The following USP47 variants were observed in gnomAD, a reference collection of about 807,000 sequenced individuals.
The protein encoded by USP47 is ubiquitin carboxyl-terminal hydrolase 47.
Under a neutral mutation model 165.1 loss-of-function variants are expected in USP47, and 35 were observed. The observed-to-expected ratio is 0.21, with a 90% CI of 0.16 to 0.28. The LOEUF is 0.28. USP47 is among the 10% of genes least tolerant of loss of function. The pLI is 1.00. For synonymous variants in USP47, 531 were observed against 544.5 expected (o/e 0.98, Z 0.35); for missense variants, 1,277 against 1,607.4 (o/e 0.79, Z 3.52).
At position 11,851,596 on chromosome 11, in the gene USP47, A is replaced by T. The variant is rs550803211; in HGVS notation, c.39+9372A>T. The stretch of plus-strand genomic sequence containing the variant: ...ATAGAACGATGATCAGAAGAAATTA[A>T]CCTTAGTATAATATTATTAACTACA... On this transcript the variant is annotated intron_variant, in intron 1 of 27. Coordinates refer to ENST00000527733, the MANE Select transcript of USP47 (RefSeq NM_001282659.2). Among the ~76,000 whole-genome samples the T allele has an allele frequency of 2.0e-5, 3 of 152,346 alleles. No homozygotes were observed. In the South Asian group the frequency reaches 6.2e-4, roughly 32 times the overall value.
intron 15 of USP47, 38 bp from the exon 16 acceptor site, chr11:11,933,793 G>A (rs781038885): frequency 2.4e-5 from 34 of 1,427,608 alleles, no homozygotes; most frequent in African/African-American, 4.3e-5. Context: ...TTGAACTTTG[G>A]AACTGCAGAG....
At chr11:11,851,834 G>T (rs1183745386) in intron 1 of USP47, among the ~76,000 whole-genome samples, 2 of 152,080 alleles carry the variant, frequency 1.3e-5, no homozygotes, top group Non-Finnish European at 2.9e-5. Context: ...TTGGGTTTGT[G>T]GATGCTCTCT....
chr11:11,866,341 G>A (rs1464546056), intron 1 of USP47, among the ~76,000 whole-genome samples: 1 of 152,172 alleles, frequency 6.6e-6, no homozygotes, highest in Non-Finnish European at 1.5e-5. Flanking sequence ...GCTCAGGAGA[G>A]GGAAAGTGGT....
chr11:11,865,474 A>G (rs939448039), intron 1 of USP47, among the ~76,000 whole-genome samples: 1 of 151,366 alleles, frequency 6.6e-6, no homozygotes, highest in Non-Finnish European at 1.5e-5. Flanking sequence ...TTTATCTGTT[A>G]TTTATTTGCT....
chr11:11,861,058 T>C (rs1797130494), intron 1 of USP47, among the ~76,000 whole-genome samples: 1 of 152,190 alleles, frequency 6.6e-6, no homozygotes, highest in Non-Finnish European at 1.5e-5. Flanking sequence ...AGGAGCCTCA[T>C]CTGATGTTCA....
chr11:11,897,754 A>T, intron 5 of USP47, 61 bp downstream of exon 5: 1 of 1,208,646 alleles, frequency 8.3e-7, no homozygotes, highest in Admixed American at 2.0e-5. Flanking sequence ...ATCACTTTTA[A>T]CAAAATTTAT....
intron 1 of USP47, among the ~76,000 whole-genome samples, chr11:11,844,495 G>A (rs539624534): frequency 6.6e-6 from 1 of 152,288 alleles, no homozygotes; most frequent in Admixed American, 6.5e-5. Context: ...AAGATTGAAA[G>A]TGACTTGTTC....
chr11:11,906,224 A>G (rs1852555062), intron 8 of USP47, among the ~76,000 whole-genome samples: 1 of 152,162 alleles, frequency 6.6e-6, no homozygotes, highest in Admixed American at 6.5e-5. Context: ...CAGGAAAATA[A>G]TGGAAAGACT....
chr11:11,848,721 T>C (rs1223097285), intron 1 of USP47, among the ~76,000 whole-genome samples: 1 of 151,372 alleles, frequency 6.6e-6, no homozygotes, highest in Non-Finnish European at 1.5e-5. Flanking sequence ...GCGATTCTCC[T>C]GCCTCAGCCT....
intron 1 of USP47, among the ~76,000 whole-genome samples, chr11:11,865,205 T>C (rs967270392): frequency 2.0e-5 from 3 of 152,200 alleles, no homozygotes; most frequent in African/African-American, 7.2e-5. Flanking sequence ...TTGCCAAATT[T>C]GGGAAGTTTT....
intron 11 of USP47, among the ~76,000 whole-genome samples, chr11:11,926,031 A>C (rs1854216762): frequency 1.3e-5 from 2 of 152,216 alleles, no homozygotes; most frequent in African/African-American, 4.8e-5. Flanking sequence ...AATGTAGTGT[A>C]TTACATTGAT....
At chr11:11,906,360 G>T (rs1852564502) in intron 8 of USP47, among the ~76,000 whole-genome samples, 1 of 152,010 alleles carries the variant, frequency 6.6e-6, no homozygotes, top group South Asian at 2.1e-4. Context: ...TTATGTTTTG[G>T]TCTTATTTAT....
At chr11:11,886,667 A>T (rs868540395) in intron 3 of USP47, among the ~76,000 whole-genome samples, 4 of 152,298 alleles carry the variant, frequency 2.6e-5, no homozygotes, top group Middle Eastern at 3.4e-3. Flanking sequence ...TGGAAAATAT[A>T]CTTAAGGATG....
chr11:11,850,134 A>G (rs1489308361), intron 1 of USP47, among the ~76,000 whole-genome samples: 3 of 151,838 alleles, frequency 2.0e-5, no homozygotes, highest in Non-Finnish European at 2.9e-5. Flanking sequence ...ATCCTGTTCA[A>G]TCTGGAATTT....
intron 19 of USP47, 24 bp downstream of exon 19, chr11:11,940,572 C>G (rs1176529135): frequency 6.2e-7 from 1 of 1,606,820 alleles, no homozygotes; most frequent in Non-Finnish European, 8.5e-7. Flanking sequence ...TTTTTCATTA[C>G]TATTTTCTAT....
intron 11 of USP47, among the ~76,000 whole-genome samples, chr11:11,927,295 T>C (rs1434322508): frequency 6.6e-6 from 1 of 152,078 alleles, no homozygotes; most frequent in Admixed American, 6.6e-5. Context: ...TGTTTTTTGT[T>C]GTTGTTTTGG....
At position 11,957,502 on chromosome 11, in the gene USP47, A is replaced by T. The variant is rs1847258993; in HGVS notation, c.*1327A>T. On this transcript the variant is annotated 3_prime_UTR_variant, in exon 28 of 28. Transcript: ENST00000527733. Reference sequence around the variant, plus strand: ...TTACAACAATGAACATGCCAATAAAACATTTGTTCATTCTGTTGTGTTATT... The same window carrying T: ...TTACAACAATGAACATGCCAATAAATCATTTGTTCATTCTGTTGTGTTATT... 1 of 152,624 alleles carries T rather than the reference A, an allele frequency of 6.6e-6. No homozygotes were observed. Among genetic ancestry groups the T allele is most frequent in the African/African-American group, 2.4e-5 (1 of 41,456 alleles). 9.5% of individuals were successfully genotyped at this position (152,624 alleles called of 1,614,324 possible).
chr11:11,877,322 G>GT (rs1311911266), intron 1 of USP47, among the ~76,000 whole-genome samples: 1 of 152,158 alleles, frequency 6.6e-6, no homozygotes, highest in East Asian at 1.9e-4. Context: ...AAGTCCACAT[G>GT]TTATATTAAA....
intron 7 of USP47, 108 bp downstream of exon 7, chr11:11,903,450 T>G: frequency 1.0e-6 from 1 of 965,744 alleles, no homozygotes; most frequent in Non-Finnish European, 1.5e-6. Flanking sequence ...ATTAGTCTCA[T>G]GGTTAAAGTA....
Sources: gnomAD v4.1 joint callset for allele counts (sites outside exome capture counted in the v4.1 genomes callset) on GRCh38, gnomAD v4.1.1 for gene constraint, MANE v1.5 for transcripts, NCBI Gene and HGNC (gene_info 2026-07-23, HGNC 2026-07-21) for gene names.